ABHD12B: variants seen among roughly 807,000 people sequenced by gnomAD.
The protein encoded by ABHD12B is abhydrolase domain containing 12B.
A neutral mutation model predicts 50.4 loss-of-function variants in ABHD12B; 42 were observed. The ratio of observed to expected loss-of-function variants is 0.83; its 90% CI spans 0.65 to 1.08. The LOEUF is 1.08. ABHD12B is among the 50% of genes least tolerant of loss of function. The probability of loss-of-function intolerance (pLI) is 0.00; values close to 1 mark genes in which losing one functional copy is unlikely to be tolerated. For synonymous variants in ABHD12B, 167 were observed against 160.3 expected, an observed-to-expected ratio of 1.04 and a Z score of -0.32; for missense variants, 479 against 447.7, an observed-to-expected ratio of 1.07 and a Z score of -0.63.
Position 50,904,175 on chromosome 14 carries a change from A to G in ABHD12B, c.1044A>G (p.Thr348=). The change falls in exon 12 of 13, where the codon ACA becomes ACG. Residue 348 remains threonine, a synonymous_variant. Coordinates refer to ENST00000337334, the MANE Select transcript of ABHD12B (RefSeq NM_001206673.2). ...ACAACCTGCTTTGTAAAAGCCCCAC[A>G]CTGTTAATAACCGTGAGGTAAGAGT... ...FQHNLLCKSP[T]LLITVRDFLS... The G allele has an allele frequency of 6.2e-7, 1 of 1,614,114 alleles. No individual in the cohort carries two copies. Among genetic ancestry groups the G allele is most frequent in the Non-Finnish European group, 8.5e-7 (1 of 1,179,966 alleles).
At chr14:50,884,333 C>T (rs11157779) in intron 5 of ABHD12B, among the ~76,000 whole-genome samples, 145,625 of 152,292 alleles carry the variant, frequency 0.96, 69,951 homozygotes, top group Non-Finnish European at 1. Flanking sequence ...GATGCTTAGC[C>T]GCTTGGCTAA....
chr14:50,875,816 G>A (rs2049855652), intron 1 of ABHD12B, among the ~76,000 whole-genome samples: 1 of 152,230 alleles, frequency 6.6e-6, no homozygotes, highest in Non-Finnish European at 1.5e-5. Context: ...GAGAAGGACT[G>A]TGTATGAATT....
At chr14:50,892,494 T>C (rs1441750270) in intron 9 of ABHD12B, 4 of 985,296 alleles carry the variant, frequency 4.1e-6, no homozygotes, top group East Asian at 1.1e-4. Flanking sequence ...GGCGGGAGGA[T>C]GGCGTAACCT....
intron 1 of ABHD12B, among the ~76,000 whole-genome samples, chr14:50,874,595 G>A (rs1230041054): frequency 2.0e-5 from 3 of 148,050 alleles, no homozygotes; most frequent in South Asian, 2.1e-4. Context: ...GCGAGACTCC[G>A]TCTCAAAAAA....
Position 50,878,831 on chromosome 14 carries a change from G to A in ABHD12B, c.319G>A (p.Val107Met). The change falls in exon 3 of 13, where the codon GTG becomes ATG. Residue 107 changes from valine (V) to methionine (M), a missense_variant. Val to Met is a conservative substitution (Grantham distance 21). Transcript: ENST00000337334. ...CTTCTACCTGAGAGTTGAACCTGGGGTGATGCTAGGGATCTGGTGAGTGCA... is the reference window on the plus strand; with the variant it reads ...CTTCTACCTGAGAGTTGAACCTGGGATGATGCTAGGGATCTGGTGAGTGCA... ...VNFYLRVEPGVMLGIWHTVPS... is the reference protein window; with the variant it reads ...VNFYLRVEPGMMLGIWHTVPS... 2.5e-6 allele frequency: 4 copies of A among 1,613,940 alleles called. No individual in the cohort carries two copies. Among genetic ancestry groups the A allele is most frequent in the South Asian group, 1.1e-5 (1 of 91,084 alleles).
At chr14:50,892,339 G>T (rs552242355) in intron 9 of ABHD12B, 1 of 858,856 alleles carries the variant, frequency 1.2e-6, no homozygotes, top group South Asian at 5.3e-5. Flanking sequence ...GGGAATGAGG[G>T]TAGTAGCACT....
intron 1 of ABHD12B, among the ~76,000 whole-genome samples, chr14:50,876,882 C>T (rs774238121): frequency 2.6e-5 from 4 of 152,184 alleles, no homozygotes; most frequent in Non-Finnish European, 5.9e-5. Context: ...TGATCTCTTA[C>T]AACATGGAAA....
In ABHD12B at chr14:50,878,759, C is replaced by G; in HGVS notation, c.247C>G (p.Leu83Val). 6.2e-7 allele frequency: 1 copy of G among 1,613,524 alleles called. No homozygotes were observed. Among genetic ancestry groups the G allele is most frequent in the Non-Finnish European group, 8.5e-7 (1 of 1,179,470 alleles). The change falls in exon 3 of 13, where the codon CTT (leucine) becomes GTT (valine). Residue 83 changes from leucine (L) to valine (V), a missense_variant. Physicochemically the swap from Leu to Val is conservative, Grantham distance 32 (BLOSUM62 1). Transcript: ENST00000337334. The part of the protein sequence containing the change: ...IYFNFFKAPF[L>V]VDLKKPELKI... ...TTACTTTCCAGTCAAAGCCCCATTT[C>G]TTGTGGATTTAAAGAAACCAGAGTT...
intron 5 of ABHD12B, among the ~76,000 whole-genome samples, chr14:50,884,661 C>A (rs900872778): frequency 6.6e-6 from 1 of 150,394 alleles, no homozygotes; most frequent in Non-Finnish European, 1.5e-5. Flanking sequence ...AAATTTTGTC[C>A]TTTTTTATCT....
intron 5 of ABHD12B, 77 bp downstream of exon 5, chr14:50,881,703 G>A (rs17794038): frequency 0.064 from 101,817 of 1,580,848 alleles, 4,639 homozygotes; most frequent in Admixed American, 0.16. Flanking sequence ...CAGGCCCTCC[G>A]CGTGGTTGTT....
At chr14:50,896,328 T>G (rs2050198484) in intron 9 of ABHD12B, among the ~76,000 whole-genome samples, 1 of 152,104 alleles carries the variant, frequency 6.6e-6, no homozygotes, top group Non-Finnish European at 1.5e-5. Context: ...CCAAAAATTT[T>G]CACCGCTCCA....
rs1215288721 is a variant in ABHD12B, at chr14:50,881,977, C to A, written c.486+351C>A. ...TTGTTGTTTTTTGAGATTCTGTTGC[C>A]CAGGCTGGAGTGCAGTGGCATGATC... On this transcript the variant is annotated intron_variant, in intron 5 of 12. Transcript: ENST00000337334. Among the ~76,000 whole-genome samples, 3 of 147,530 alleles carry A rather than the reference C, an allele frequency of 2.0e-5. No homozygotes were observed. The East Asian group carries it at 6.1e-4, about 30-fold the overall frequency.
chr14:50,881,797 A>G (rs982581109), intron 5 of ABHD12B, among the ~76,000 whole-genome samples, 171 bp downstream of exon 5: 3 of 152,078 alleles, frequency 2.0e-5, no homozygotes, highest in Admixed American at 6.6e-5. Context: ...CTGCTCCTAC[A>G]CTGATCAAAA....
At chr14:50,885,156 A>G (rs1346517802) in intron 5 of ABHD12B, among the ~76,000 whole-genome samples, 2 of 152,198 alleles carry the variant, frequency 1.3e-5, no homozygotes, top group African/African-American at 4.8e-5. Context: ...GACCCTGCTC[A>G]GCCTTCCTGC....
chr14:50,900,593 G>C (rs536609158), intron 9 of ABHD12B, among the ~76,000 whole-genome samples: 1 of 152,366 alleles, frequency 6.6e-6, no homozygotes, highest in African/African-American at 2.4e-5. Context: ...TTGGTAGCTG[G>C]TTATGGAAAA....
chr14:50,872,965 C>T (rs1421191784), intron 1 of ABHD12B, among the ~76,000 whole-genome samples: 1 of 152,158 alleles, frequency 6.6e-6, no homozygotes, highest in Non-Finnish European at 1.5e-5. Flanking sequence ...CCTGAATCCA[C>T]CTGCAACATA....
Position 50,904,524 on chromosome 14 carries a change from G to A in ABHD12B, c.*158G>A, listed in dbSNP as rs751222804. 8 of 878,124 alleles carry A rather than the reference G, an allele frequency of 9.1e-6. No individual in the cohort carries two copies. The highest frequency in any genetic ancestry group is 1.5e-5 in the Non-Finnish European group (8 of 547,926). The allele number at this position is 878,124 out of a possible 1,614,324, so 54.4% of individuals were successfully genotyped here. A position where few individuals can be genotyped will look rare whatever the true frequency, so the allele number is the denominator to read the frequency against. On this transcript the variant is annotated 3_prime_UTR_variant, in exon 13 of 13. Coordinates refer to ENST00000337334, the MANE Select transcript of ABHD12B (RefSeq NM_001206673.2). ...CATTTTAACAACAGAAAGTACGAATGTTAGGCAGTATGGAATGTTCTTATT... is the reference window on the plus strand; with the variant it reads ...CATTTTAACAACAGAAAGTACGAATATTAGGCAGTATGGAATGTTCTTATT...
At chr14:50,883,866 A>G (rs1490915864) in intron 5 of ABHD12B, among the ~76,000 whole-genome samples, 1 of 152,246 alleles carries the variant, frequency 6.6e-6, no homozygotes, top group Non-Finnish European at 1.5e-5. Flanking sequence ...TCATGTATTC[A>G]TCACTGCAAC....
chr14:50,883,171 G>C (rs1374992740), intron 5 of ABHD12B, among the ~76,000 whole-genome samples: 4 of 152,256 alleles, frequency 2.6e-5, no homozygotes, highest in South Asian at 2.1e-4. Flanking sequence ...GGTTGAACAA[G>C]CTGCCTGTTT....
Sources: gnomAD v4.1 joint callset for allele counts (sites outside exome capture counted in the v4.1 genomes callset) on GRCh38, gnomAD v4.1.1 for gene constraint, MANE v1.5 for transcripts, NCBI Gene and HGNC (gene_info 2026-07-23, HGNC 2026-07-21) for gene names.